PMM2: variants seen among roughly 807,000 people sequenced by gnomAD.
PMM2 encodes mannose-6-phosphate isomerase.
A neutral mutation model predicts 33.2 loss-of-function variants in PMM2; 35 were observed. The observed-to-expected ratio is 1.06, with a 90% CI of 0.81 to 1.40. PMM2 has a LOEUF of 1.40. Ranked by LOEUF, PMM2 falls within the 40% of genes most tolerant of loss-of-function variation. PMM2 has a pLI of 0.00. For missense variants in PMM2, 386 were observed against 306.0 expected (o/e 1.26, Z -1.95); for synonymous variants, 153 against 114.7 (o/e 1.33, Z -2.13).
At chr16:8,845,305 G>A (rs964293471) in intron 7 of PMM2, among the ~76,000 whole-genome samples, 6 of 152,152 alleles carry the variant, frequency 3.9e-5, no homozygotes, top group Admixed American at 2.6e-4. Flanking sequence ...TGATCAGTTC[G>A]GGTGGGGCAG....
At chr16:8,811,006 T>C in intron 4 of PMM2, 73 bp from the exon 5 acceptor site, 1 of 809,890 alleles carries the variant, frequency 1.2e-6, no homozygotes, top group South Asian at 1.5e-5. Flanking sequence ...TCCCAAGATT[T>C]TAGGCTGTTT....
intron 7 of PMM2, among the ~76,000 whole-genome samples, chr16:8,823,596 G>A (rs558551132): frequency 4.1e-5 from 6 of 147,190 alleles, no homozygotes; most frequent in South Asian, 4.2e-4. Flanking sequence ...CAGATAGGCT[G>A]TTTTTAAAAT....
At chr16:8,805,244 T>G (rs2060640482) in intron 3 of PMM2, among the ~76,000 whole-genome samples, 1 of 152,166 alleles carries the variant, frequency 6.6e-6, no homozygotes, top group Non-Finnish European at 1.5e-5. Flanking sequence ...ATTTTTGTAT[T>G]TTTGGTAGAG....
At chr16:8,821,450 G>C (rs2060739089) in intron 7 of PMM2, among the ~76,000 whole-genome samples, 1 of 152,242 alleles carries the variant, frequency 6.6e-6, no homozygotes, top group African/African-American at 2.4e-5. Context: ...AGCCCACAGA[G>C]TGAGCATCCC....
chr16:8,836,795 G>T (rs1475800970), intron 7 of PMM2, among the ~76,000 whole-genome samples: 1 of 152,032 alleles, frequency 6.6e-6, no homozygotes, highest in Non-Finnish European at 1.5e-5. Flanking sequence ...GCTGCCAAAC[G>T]AGCCATGAAC....
At chr16:8,832,724 G>C in intron 7 of PMM2, 3 of 985,312 alleles carry the variant, frequency 3.0e-6, no homozygotes, top group Non-Finnish European at 3.6e-6. Flanking sequence ...TCATGGCCCG[G>C]GCTTGCAGGC....
chr16:8,804,039 T>TTTTTTTG lies in PMM2; in HGVS notation c.179-722_179-721insGTTTTTT, dbSNP rs1555449119. ...TTTTTTGGGTTTTTTTTGTTTTTTT[T>TTTTTTTG]TTTTTTTTTTTTGACGTTAGACAGA... On this transcript the variant is annotated intron_variant, in intron 2 of 7. Coordinates refer to ENST00000268261, the MANE Select transcript of PMM2 (RefSeq NM_000303.3). Among the ~76,000 whole-genome samples the TTTTTTTG allele has an allele frequency of 1.9e-3, 256 of 132,820 alleles. 3 individuals carry two copies. Among genetic ancestry groups the TTTTTTTG allele is most frequent in the African/African-American group, 5.3e-3 (179 of 33,856 alleles). 87.1% of individuals were successfully genotyped at this position (132,820 alleles called of 152,430 possible).
At chr16:8,838,370 G>T (rs1409441183) in intron 7 of PMM2, among the ~76,000 whole-genome samples, 2 of 152,102 alleles carry the variant, frequency 1.3e-5, no homozygotes, top group South Asian at 4.1e-4. Flanking sequence ...TAGGGGATGC[G>T]ATGGCTTGGC....
At chr16:8,843,841 G>A (rs1462446038) in intron 7 of PMM2, among the ~76,000 whole-genome samples, 1 of 151,894 alleles carries the variant, frequency 6.6e-6, no homozygotes. Context: ...GGCTGAGGAA[G>A]AATTGGAACC....
At chr16:8,831,573 T>G (rs868420849) in intron 7 of PMM2, among the ~76,000 whole-genome samples, 1 of 151,842 alleles carries the variant, frequency 6.6e-6, no homozygotes. Context: ...CTACAGAGAG[T>G]CCATCTGTGC....
chr16:8,822,130 C>A (rs1418655424), intron 7 of PMM2, among the ~76,000 whole-genome samples: 5 of 152,122 alleles, frequency 3.3e-5, no homozygotes, highest in Admixed American at 6.6e-5. Context: ...GGATAACTTG[C>A]TGGGTAGGGG....
chr16:8,832,672 C>A, intron 7 of PMM2: 1 of 985,424 alleles, frequency 1.0e-6, no homozygotes, highest in Non-Finnish European at 1.2e-6. Context: ...GTCCTCACCC[C>A]GCACCCGTTC....
chr16:8,813,734 C>G (rs1596490225), intron 7 of PMM2, among the ~76,000 whole-genome samples: 1 of 152,080 alleles, frequency 6.6e-6, no homozygotes, highest in African/African-American at 2.4e-5. Context: ...AGAAGAAATG[C>G]CCCCAGGTGT....
At chr16:8,806,601 C>T in intron 4 of PMM2, 194 bp downstream of exon 4, 2 of 615,542 alleles carry the variant, frequency 3.2e-6, no homozygotes, top group Non-Finnish European at 5.8e-6. Flanking sequence ...TCCACATTTT[C>T]TCTGGCTGCC....
chr16:8,838,106 T>G (rs183291551), intron 7 of PMM2, among the ~76,000 whole-genome samples: 1 of 152,052 alleles, frequency 6.6e-6, no homozygotes, highest in South Asian at 2.1e-4. Flanking sequence ...TTAGTTCTTA[T>G]GGGTTTTGGG....
At chr16:8,801,975 A>C in intron 2 of PMM2, 65 bp downstream of exon 2, 1 of 1,143,370 alleles carries the variant, frequency 8.7e-7, no homozygotes, top group Non-Finnish European at 1.3e-6. Flanking sequence ...ATTGTTGCCA[A>C]GTATCATAGG....
chr16:8,844,250 GGGA>G (rs2060909078), intron 7 of PMM2, among the ~76,000 whole-genome samples: 1 of 151,390 alleles, frequency 6.6e-6, no homozygotes. Context: ...CACAGGCTAA[GGGA>G]GAAGAAGGAG....
intron 7 of PMM2, among the ~76,000 whole-genome samples, chr16:8,830,160 G>C (rs766688356): frequency 6.6e-6 from 1 of 152,204 alleles, no homozygotes; most frequent in African/African-American, 2.4e-5. Context: ...TCAGCCCCCA[G>C]TCGAAGAGAA....
At chr16:8,832,776 CTG>C (rs143970763) in intron 7 of PMM2, 80,533 of 985,174 alleles carry the variant, frequency 0.082, 3,572 homozygotes, top group Middle Eastern at 0.14. Context: ...TTACCACAAT[CTG>C]TGAGGCCCGC....
Sources: gnomAD v4.1 joint callset for allele counts (sites outside exome capture counted in the v4.1 genomes callset) on GRCh38, gnomAD v4.1.1 for gene constraint, MANE v1.5 for transcripts, NCBI Gene and HGNC (gene_info 2026-07-23, HGNC 2026-07-21) for gene names.